The following ADK variants were observed in gnomAD, a reference collection of about 807,000 sequenced individuals.
The protein encoded by ADK is adenosine kinase, also known as N6,N6-dimethyladenosine kinase.
ADK carries 24 observed loss-of-function variants against 44.7 expected under a neutral mutation model. The ratio of observed to expected loss-of-function variants is 0.54; its 90% CI spans 0.39 to 0.76. The LOEUF is 0.76. ADK is among the 30% of genes least tolerant of loss of function. The probability of loss-of-function intolerance (pLI) is 0.00; values close to 1 mark genes in which losing one functional copy is unlikely to be tolerated. For synonymous variants in ADK, 128 were observed against 142.6 expected, an observed-to-expected ratio of 0.90 and a Z score of 0.73; for missense variants, 321 against 425.1, an observed-to-expected ratio of 0.76 and a Z score of 2.15.
intron 4 of ADK, among the ~76,000 whole-genome samples, chr10:74,383,408 G>GTC (rs1554851152): frequency 2.5e-4 from 38 of 150,318 alleles, no homozygotes; most frequent in South Asian, 1.7e-3. Context: ...CTCTGTCTCT[G>GTC]TCTCTCTCTC....
chr10:74,695,610 T>C lies in ADK; in HGVS notation c.965-12711T>C, dbSNP rs1246900709. Reference sequence around the variant, plus strand: ...TATTTCTTCTTTTACAATTCCTGTGTATGTGTGGGGTGTGTGTGTGTGTGT... The same window carrying C: ...TATTTCTTCTTTTACAATTCCTGTGCATGTGTGGGGTGTGTGTGTGTGTGT... On this transcript the variant is annotated intron_variant, in intron 10 of 10. Coordinates refer to ENST00000539909, the MANE Select transcript of ADK (RefSeq NM_006721.4). Among the ~76,000 whole-genome samples, 3 of 27,016 alleles carry C rather than the reference T, an allele frequency of 1.1e-4. No homozygotes were observed. In the East Asian group the frequency reaches 1.9e-3, roughly 17 times the overall value. The allele number at this position is 27,016 out of a possible 152,430, so 17.7% of individuals were successfully genotyped here. A position where few individuals can be genotyped will look rare whatever the true frequency, so the allele number is the denominator to read the frequency against.
chr10:74,482,465 A>G lies in ADK; in HGVS notation c.556-42791A>G, dbSNP rs1255115370. Among the ~76,000 whole-genome samples the G allele has an allele frequency of 3.3e-5, 5 of 152,158 alleles. No homozygotes were observed. In the East Asian group the frequency reaches 9.7e-4, roughly 29 times the overall value. On this transcript the variant is annotated intron_variant, in intron 6 of 10. Transcript: ENST00000539909. ...AGCTTGGGTGGGGACACAGAACTAA[A>G]CCATATCATTCTGCCCCTGGCTTCT...
intron 9 of ADK, among the ~76,000 whole-genome samples, chr10:74,667,550 C>T (rs1003153235): frequency 2.0e-5 from 3 of 148,096 alleles, no homozygotes; most frequent in African/African-American, 5.0e-5. Flanking sequence ...TTTTTTCCTC[C>T]GAGAGGGAGT....
chr10:74,646,132 C>T (rs962527164), intron 9 of ADK, among the ~76,000 whole-genome samples: 1 of 152,142 alleles, frequency 6.6e-6, no homozygotes, highest in African/African-American at 2.4e-5. Context: ...ATCACAGTGC[C>T]CTCATGCATC....
At chr10:74,222,667 A>T (rs974179736) in intron 2 of ADK, among the ~76,000 whole-genome samples, 12 of 152,186 alleles carry the variant, frequency 7.9e-5, no homozygotes, top group African/African-American at 2.7e-4. Context: ...TACACTATGG[A>T]ATACTATGCA....
chr10:74,174,670 C>G (rs1842269756), intron 1 of ADK: 1 of 152,270 alleles, frequency 6.6e-6, no homozygotes, highest in Non-Finnish European at 1.5e-5. Context: ...AATCCAGCTG[C>G]TGCTTTGCTT....
In ADK at chr10:74,264,471, A is replaced by AT. The variant is rs564487528; in HGVS notation, c.194+39886dup. Among the ~76,000 whole-genome samples, 7 of 150,488 alleles carry AT rather than the reference A, an allele frequency of 4.7e-5. No individual in the cohort carries two copies. In the South Asian group the frequency reaches 8.4e-4, roughly 18 times the overall value. ...GATTGCCTCTTAATGTCCTTTACTC[A>AT]TTTTTTCTTTTGAGATATTTTAAAT... On this transcript the variant is annotated intron_variant, in intron 3 of 10. Coordinates refer to ENST00000539909, the MANE Select transcript of ADK (RefSeq NM_006721.4).
chr10:74,562,887 G>T (rs968313450), intron 7 of ADK, among the ~76,000 whole-genome samples: 3 of 151,750 alleles, frequency 2.0e-5, no homozygotes, highest in Admixed American at 2.0e-4. Context: ...TTTGTATTCA[G>T]TTTTACAATC....
intron 3 of ADK, among the ~76,000 whole-genome samples, chr10:74,283,103 T>C (rs1847011390): frequency 6.6e-6 from 1 of 152,224 alleles, no homozygotes; most frequent in Admixed American, 6.5e-5. Flanking sequence ...CTTCAAGTTC[T>C]TTGAAAATTT....
chr10:74,598,882 A>G (rs1213854947), intron 8 of ADK, among the ~76,000 whole-genome samples: 4 of 152,212 alleles, frequency 2.6e-5, no homozygotes, highest in African/African-American at 9.6e-5. Context: ...TTTATTAAAT[A>G]TGAGCTGTAC....
chr10:74,625,791 A>G (rs541270113), intron 9 of ADK, among the ~76,000 whole-genome samples: 54 of 152,288 alleles, frequency 3.5e-4, no homozygotes, highest in African/African-American at 1.3e-3. Flanking sequence ...TAAAGACGGT[A>G]AATAAAGACT....
chr10:74,178,359 G>A (rs1161353193), intron 1 of ADK, among the ~76,000 whole-genome samples: 1 of 152,070 alleles, frequency 6.6e-6, no homozygotes, highest in Non-Finnish European at 1.5e-5. Context: ...ATTATATTGG[G>A]GCATATAAAT....
intron 10 of ADK, among the ~76,000 whole-genome samples, chr10:74,674,538 G>A (rs1323414203): frequency 6.6e-6 from 1 of 152,060 alleles, no homozygotes; most frequent in African/African-American, 2.4e-5. Context: ...AGGAGGCTGA[G>A]GCCCTGCCCG....
chr10:74,442,010 AGTG>A (rs1489932479), intron 6 of ADK, among the ~76,000 whole-genome samples: 1 of 152,026 alleles, frequency 6.6e-6, no homozygotes, highest in African/African-American at 2.4e-5. Context: ...AGCTGGGTTC[AGTG>A]GTGGTGGTGC....
intron 7 of ADK, among the ~76,000 whole-genome samples, chr10:74,539,555 G>A (rs1296904760): frequency 6.6e-6 from 1 of 152,120 alleles, no homozygotes; most frequent in Non-Finnish European, 1.5e-5. Flanking sequence ...CCCTTTCTGA[G>A]ACTGTGCATA....
intron 3 of ADK, among the ~76,000 whole-genome samples, chr10:74,245,978 A>G (rs918712641): frequency 1.3e-5 from 2 of 152,116 alleles, no homozygotes; most frequent in African/African-American, 4.8e-5. Flanking sequence ...CTCATATCAC[A>G]GTTATGATGC....
chr10:74,634,309 A>C (rs896266905), intron 9 of ADK, among the ~76,000 whole-genome samples: 4 of 151,618 alleles, frequency 2.6e-5, no homozygotes, highest in African/African-American at 9.7e-5. Context: ...CCGCCTCCCC[A>C]GTTCACGCCA....
chr10:74,221,086 G>C (rs1440683930), intron 2 of ADK, among the ~76,000 whole-genome samples: 1 of 147,482 alleles, frequency 6.8e-6, no homozygotes, highest in Non-Finnish European at 1.5e-5. Flanking sequence ...AATTGTCCCT[G>C]TTTGCAGACG....
intron 6 of ADK, among the ~76,000 whole-genome samples, chr10:74,519,871 TTTG>T: frequency 6.6e-6 from 1 of 152,084 alleles, no homozygotes; most frequent in Middle Eastern, 3.4e-3. Flanking sequence ...TGTTTATTTG[TTTG>T]TTTTTTTCCT....
Sources: gnomAD v4.1 joint callset for allele counts (sites outside exome capture counted in the v4.1 genomes callset) on GRCh38, gnomAD v4.1.1 for gene constraint, MANE v1.5 for transcripts, NCBI Gene and HGNC (gene_info 2026-07-23, HGNC 2026-07-21) for gene names.